The following L3MBTL4 variants were observed in gnomAD, a reference collection of about 807,000 sequenced individuals.
L3MBTL4 encodes lethal(3)malignant brain tumor-like protein 4.
In L3MBTL4, 70 loss-of-function variants were observed where a neutral mutation model predicts 84.5. The ratio of observed to expected loss-of-function variants is 0.83; its 90% CI spans 0.68 to 1.01. L3MBTL4 has a LOEUF of 1.01. Among genes scored for constraint, L3MBTL4 ranks in the 50% least tolerant of loss-of-function variants. The pLI, the probability that L3MBTL4 is intolerant of heterozygous loss-of-function variation, is 0.00. For missense variants in L3MBTL4, 715 were observed against 754.8 expected (o/e 0.95, Z 0.62); for synonymous variants, 274 against 259.8 (o/e 1.05, Z -0.52).
At chr18:6,113,267 T>C (rs2059250629) in intron 14 of L3MBTL4, among the ~76,000 whole-genome samples, 1 of 152,146 alleles carries the variant, frequency 6.6e-6, no homozygotes, top group Non-Finnish European at 1.5e-5. Context: ...AACTCATATC[T>C]GATTAGTATT....
intron 1 of L3MBTL4, among the ~76,000 whole-genome samples, chr18:6,377,514 T>G (rs1411992011): frequency 6.6e-6 from 1 of 152,102 alleles, no homozygotes; most frequent in Admixed American, 6.5e-5. Flanking sequence ...GATGTTCCCC[T>G]CCCTGTGTCC....
intron 16 of L3MBTL4, chr18:6,017,698 T>C (rs2055060239): frequency 6.6e-6 from 1 of 152,208 alleles, no homozygotes; most frequent in African/African-American, 2.4e-5. Context: ...ATTAATTCTT[T>C]TATTTTTTTT....
chr18:6,065,411 A>G (rs1349094614), intron 16 of L3MBTL4, among the ~76,000 whole-genome samples: 1 of 152,052 alleles, frequency 6.6e-6, no homozygotes, highest in African/African-American at 2.4e-5. Flanking sequence ...GAACTGTTTC[A>G]GTAGAATTGG....
At chr18:6,240,133 C>T (rs2047394006) in intron 8 of L3MBTL4, among the ~76,000 whole-genome samples, 1 of 152,140 alleles carries the variant, frequency 6.6e-6, no homozygotes. Flanking sequence ...CCCTTATCAT[C>T]TTCATATTTC....
intron 12 of L3MBTL4, among the ~76,000 whole-genome samples, chr18:6,174,890 C>CAAGATTTAAA (rs2044156554): frequency 6.8e-6 from 1 of 146,448 alleles, no homozygotes; most frequent in Admixed American, 6.8e-5. Context: ...AAAGATGATA[C>CAAGATTTAAA]AAGATTTAAA....
chr18:5,958,662 T>C (rs1199183110), intron 18 of L3MBTL4, among the ~76,000 whole-genome samples: 1 of 152,186 alleles, frequency 6.6e-6, no homozygotes, highest in Non-Finnish European at 1.5e-5. Context: ...GCAGAGCTTG[T>C]TGGAGCCCAG....
chr18:6,330,847 A>C (rs2051996580), intron 1 of L3MBTL4, among the ~76,000 whole-genome samples: 1 of 152,238 alleles, frequency 6.6e-6, no homozygotes, highest in African/African-American at 2.4e-5. Flanking sequence ...AACTAGAAAA[A>C]ATCTTTTTGC....
chr18:6,400,919 G>A (rs971446549), intron 1 of L3MBTL4, among the ~76,000 whole-genome samples: 4 of 152,134 alleles, frequency 2.6e-5, no homozygotes, highest in African/African-American at 4.8e-5. Flanking sequence ...AACCTAACTC[G>A]TGTTCTCTTC....
intron 1 of L3MBTL4, among the ~76,000 whole-genome samples, chr18:6,379,253 T>C (rs1173158243): frequency 6.6e-6 from 1 of 152,218 alleles, no homozygotes; most frequent in Admixed American, 6.5e-5. Flanking sequence ...CACAATCATG[T>C]TATCTGCAAA....
chr18:6,043,641 T>A (rs1456407368), intron 16 of L3MBTL4, among the ~76,000 whole-genome samples: 1 of 152,202 alleles, frequency 6.6e-6, no homozygotes, highest in African/African-American at 2.4e-5. Flanking sequence ...GGTCAATCGA[T>A]TAATCTATCT....
chr18:6,262,943 T>C (rs929314654), intron 5 of L3MBTL4, among the ~76,000 whole-genome samples: 4 of 152,152 alleles, frequency 2.6e-5, no homozygotes, highest in South Asian at 2.1e-4. Flanking sequence ...ACAGATGTCA[T>C]GAAAAGTAAA....
chr18:5,986,745 A>G lies in L3MBTL4; in HGVS notation c.1445-17183T>C, dbSNP rs2053479015. Among the ~76,000 whole-genome samples the G allele has an allele frequency of 2.0e-5, 3 of 152,210 alleles. No homozygotes were observed. In the South Asian group the frequency reaches 6.2e-4, roughly 31 times the overall value. ...CTGTGCCTTCCATGCAATAGCCTAG[A>G]GGAATGTACAGGGGCTTGGGCAGTG... On this transcript the variant is annotated intron_variant, in intron 16 of 18. Transcript: ENST00000317931.
chr18:6,241,214 T>G (rs2047435557), intron 8 of L3MBTL4, 144 bp downstream of exon 8: 2 of 599,922 alleles, frequency 3.3e-6, no homozygotes, highest in Admixed American at 5.9e-5. Context: ...CACAAGAAAC[T>G]GACGAATTAG....
In L3MBTL4 at chr18:5,969,557, A is replaced by G; in HGVS notation, c.1450T>C (p.Ser484Pro). The change falls in exon 17 of 19, where the codon TCG (serine) becomes CCG (proline). Residue 484 changes from serine to proline, a missense_variant. Ser to Pro is a moderately conservative substitution (Grantham distance 74). Transcript: ENST00000317931. ...AGCACCTGCTGCGCCTGCTCCACCG[A>G]GTATTCTGTAAGAGAGGTGGGGTGG... The part of the protein sequence containing the change: ...IDLDNLFREY[S>P]VEQAQQVLHQ... 6.3e-7 allele frequency: 1 copy of G among 1,599,526 alleles called. No individual in the cohort carries two copies. Among genetic ancestry groups the G allele is most frequent in the Non-Finnish European group, 8.5e-7 (1 of 1,171,888 alleles).
intron 16 of L3MBTL4, among the ~76,000 whole-genome samples, chr18:6,016,759 C>A (rs1397963408): frequency 6.6e-6 from 1 of 152,174 alleles, no homozygotes; most frequent in Non-Finnish European, 1.5e-5. Context: ...AACATGGGAG[C>A]CCCTGACTTC....
At chr18:6,035,271 T>C (rs2056070506) in intron 16 of L3MBTL4, among the ~76,000 whole-genome samples, 2 of 152,346 alleles carry the variant, frequency 1.3e-5, no homozygotes, top group East Asian at 3.9e-4. Flanking sequence ...CTAGGGTTTT[T>C]ATGGTTTTAG....
intron 10 of L3MBTL4, among the ~76,000 whole-genome samples, chr18:6,232,419 T>G (rs911359245): frequency 6.6e-6 from 1 of 152,130 alleles, no homozygotes; most frequent in African/African-American, 2.4e-5. Context: ...TAGGAAGTGT[T>G]CCCTCATCTT....
intron 12 of L3MBTL4, among the ~76,000 whole-genome samples, chr18:6,200,059 G>C (rs1464912412): frequency 2.6e-5 from 4 of 152,188 alleles, no homozygotes; most frequent in African/African-American, 7.2e-5. Flanking sequence ...ACAACAAGGA[G>C]TGGTAAAGAA....
chr18:6,164,235 G>A (rs1260295518), intron 13 of L3MBTL4, among the ~76,000 whole-genome samples: 1 of 152,218 alleles, frequency 6.6e-6, no homozygotes, highest in African/African-American at 2.4e-5. Flanking sequence ...GCCTGCCTCT[G>A]TAGGCTCCAC....
Sources: allele counts gnomAD v4.1 joint callset (sites outside exome capture counted in the v4.1 genomes callset), GRCh38; gene constraint gnomAD v4.1.1; transcripts MANE v1.5; gene names NCBI Gene and HGNC (gene_info 2026-07-23, HGNC 2026-07-21).